The following SURF6 variants were observed in gnomAD, a reference collection of about 807,000 sequenced individuals.
The protein encoded by SURF6 is surfeit locus protein 6.
In SURF6, 28 loss-of-function variants were observed where a neutral mutation model predicts 37.5. That is an observed-to-expected ratio of 0.75 (90% confidence interval 0.55 to 1.02). The LOEUF is 1.02. Ranked by LOEUF, SURF6 falls within the 50% of genes least tolerant of loss-of-function variation. The pLI is 0.00. For synonymous variants in SURF6, 248 were observed against 210.9 expected (o/e 1.18, Z -1.52); for missense variants, 560 against 490.5 (o/e 1.14, Z -1.34).
In SURF6 at chr9:133,331,820, G is replaced by A. The variant is rs2129911669; in HGVS notation, c.*49C>T. 8.1e-6 allele frequency: 12 copies of A among 1,487,970 alleles called. No homozygotes were observed. In the African/African-American group the frequency reaches 1.0e-4, roughly 12 times the overall value. 92.2% of individuals were successfully genotyped at this position (1,487,970 alleles called of 1,614,324 possible). A position where few individuals can be genotyped will look rare whatever the true frequency, so the allele number is the denominator to read the frequency against. Reference sequence around the variant, plus strand: ...AGCCAGCGTCAAGGACTCAGAGGGTGTCCTGGAGTCTCCTAGGACGGAAGA... The same window carrying A: ...AGCCAGCGTCAAGGACTCAGAGGGTATCCTGGAGTCTCCTAGGACGGAAGA... On this transcript the variant is annotated 3_prime_UTR_variant, in exon 5 of 5. Transcript: ENST00000372022.
At position 133,332,280 on chromosome 9, in the gene SURF6, C is replaced by T. The variant is rs1835761511; in HGVS notation, c.675G>A (p.Lys225=). The T allele has an allele frequency of 6.2e-7, 1 of 1,601,830 alleles. No individual in the cohort carries two copies. Among genetic ancestry groups the T allele is most frequent in the South Asian group, 1.1e-5 (1 of 91,014 alleles). ...TCCCGGTCAGCGGCGTGAGGTTCCCCTTCACCCTCTGCCTCTTCTCTTTTC... is the reference window on the plus strand; with the variant it reads ...TCCCGGTCAGCGGCGTGAGGTTCCCTTTCACCCTCTGCCTCTTCTCTTTTC... ...QRRKEKRQRV[K]GNLTPLTGRN... is the part of the protein sequence containing the mutation. Residue 225 remains lysine, a synonymous_variant, in exon 5 of 5, where the codon AAG becomes AAA. Transcript: ENST00000372022.
Position 133,330,102 on chromosome 9 carries a change from C to T in SURF6, c.*1767G>A, listed in dbSNP as rs1386278558. The T allele has an allele frequency of 2.0e-5, 3 of 152,202 alleles. No homozygotes were observed. The highest frequency in any genetic ancestry group is 1.3e-4 in the Admixed American group (2 of 15,270). The allele number at this position is 152,202 out of a possible 1,614,324, so 9.4% of individuals were successfully genotyped here. A position where few individuals can be genotyped will look rare whatever the true frequency, so the allele number is the denominator to read the frequency against. ...TTACTTTGAGTTGTTCCAACTTAAG[C>T]TGCATGCTTATTTTTCTTTAGCTTT... On this transcript the variant is annotated 3_prime_UTR_variant, in exon 5 of 5. Coordinates refer to ENST00000372022, the MANE Select transcript of SURF6 (RefSeq NM_006753.6).
Position 133,331,120 on chromosome 9 carries a change from CT to C in SURF6, c.*748del, listed in dbSNP as rs1835714060. On this transcript the variant is annotated 3_prime_UTR_variant, in exon 5 of 5. Transcript: ENST00000372022. The stretch of plus-strand genomic sequence containing the variant: ...ATTGCCTGGAACTCTGGATTTAATT[CT>C]TCCATCCCACTTTGTATCTTGCATT... 6.6e-6 allele frequency: 1 copy of C among 152,212 alleles called. No individual in the cohort carries two copies. 9.4% of individuals were successfully genotyped at this position (152,212 alleles called of 1,614,324 possible). A position where few individuals can be genotyped will look rare whatever the true frequency, so the allele number is the denominator to read the frequency against.
In SURF6 at chr9:133,332,613, C is replaced by T. The variant is rs2129920021; in HGVS notation, c.541G>A (p.Val181Met). ...AEEATEAQEV[V>M]EATPEGACTE... ...CAGGCCCCCTCTGGGGTTGCCTCCACCACCTCCTGGGCCTCCGTGGCCTCC... is the reference window on the plus strand; with the variant it reads ...CAGGCCCCCTCTGGGGTTGCCTCCATCACCTCCTGGGCCTCCGTGGCCTCC... The change falls in exon 4 of 5, where the codon GTG (valine) becomes ATG (methionine). Residue 181 changes from valine to methionine, a missense_variant. Transcript: ENST00000372022. 3 of 1,610,700 alleles carry T rather than the reference C, an allele frequency of 1.9e-6. No individual in the cohort carries two copies. Among genetic ancestry groups the T allele is most frequent in the African/African-American group, 1.3e-5 (1 of 74,946 alleles).
intron 1 of SURF6, 149 bp from the exon 2 acceptor site, chr9:133,334,750 C>T (rs2129929060): frequency 1.1e-6 from 1 of 882,034 alleles, no homozygotes; most frequent in African/African-American, 1.7e-5. Context: ...CTCAGAACCA[C>T]AACCTTGACC....
chr9:133,335,746 G>C (rs1038187325), intron 1 of SURF6, among the ~76,000 whole-genome samples: 1 of 152,014 alleles, frequency 6.6e-6, no homozygotes, highest in African/African-American at 2.4e-5. Flanking sequence ...CGTGGTGGCG[G>C]GCGCCTGTAG....
In SURF6 at chr9:133,331,739, C is replaced by A. The variant is rs1039579540; in HGVS notation, c.*130G>T. ...TCTGGGCCCTCACAACTCAGCAGAG[C>A]ACCACTGTGTCCCCCTCACATGGAG... On this transcript the variant is annotated 3_prime_UTR_variant, in exon 5 of 5. Transcript: ENST00000372022. The A allele has an allele frequency of 1.1e-4, 142 of 1,241,646 alleles. No homozygotes were observed. Among genetic ancestry groups the A allele is most frequent in the Non-Finnish European group, 1.4e-4 (136 of 949,738 alleles). The allele number at this position is 1,241,646 out of a possible 1,614,324, so 76.9% of individuals were successfully genotyped here. A position where few individuals can be genotyped will look rare whatever the true frequency, so the allele number is the denominator to read the frequency against.
chr9:133,335,126 A>G (rs947613120), intron 1 of SURF6, among the ~76,000 whole-genome samples: 5 of 152,178 alleles, frequency 3.3e-5, no homozygotes, highest in Admixed American at 3.3e-4. Flanking sequence ...TGCCCGGCTA[A>G]TTTTTGTATT....
At position 133,331,857 on chromosome 9, in the gene SURF6, G is replaced by T; in HGVS notation, c.*12C>A. On this transcript the variant is annotated 3_prime_UTR_variant, in exon 5 of 5. Coordinates refer to ENST00000372022, the MANE Select transcript of SURF6 (RefSeq NM_006753.6). ...CCTAGGACGGAAGACGGCGGCCCCA[G>T]GTGGGAAAGACTCAGACCAGGCCTG... 1 of 1,497,648 alleles carries T rather than the reference G, an allele frequency of 6.7e-7. No homozygotes were observed. Among genetic ancestry groups the T allele is most frequent in the Non-Finnish European group, 8.8e-7 (1 of 1,133,770 alleles). The allele number at this position is 1,497,648 out of a possible 1,614,324, so 92.8% of individuals were successfully genotyped here. A position where few individuals can be genotyped will look rare whatever the true frequency, so the allele number is the denominator to read the frequency against.
In SURF6 at chr9:133,332,192, C is replaced by T. The variant is rs2129916021; in HGVS notation, c.763G>A (p.Gly255Ser). ...TCCTGCGCCTTCCCCTCATCCTGGC[C>T]GCGCAGCTCGTCCAGCCGGCTCTGC... Reference protein sequence around the residue: ...ARQSRLDELRGQDEGKAQELE... With the variant: ...ARQSRLDELRSQDEGKAQELE... Residue 255 changes from glycine (G) to serine (S), a missense_variant, in exon 5 of 5, where the codon GGC becomes AGC. Transcript: ENST00000372022. 1.5e-5 allele frequency: 24 copies of T among 1,609,262 alleles called. No homozygotes were observed. Among genetic ancestry groups the T allele is most frequent in the Non-Finnish European group, 1.9e-5 (22 of 1,179,934 alleles).
rs1835739862 is a variant in SURF6, at chr9:133,331,927, C to T, written c.1028G>A (p.Arg343Lys). The T allele has an allele frequency of 1.3e-6, 2 of 1,576,524 alleles. No homozygotes were observed. The highest frequency in any genetic ancestry group is 1.7e-6 in the Non-Finnish European group (2 of 1,170,828). ...CAGGATGCGGCCCTTCTTGCGGGCT[C>T]TGAGCAGGCGGCGCTCGGCGCGGGC... ...KAARAERRLL[R>K]ARKKGRILPQ... is the part of the protein sequence containing the mutation. Residue 343 changes from arginine to lysine, a missense_variant, in exon 5 of 5, where the codon AGA (arginine) becomes AAA (lysine). Coordinates refer to ENST00000372022, the MANE Select transcript of SURF6 (RefSeq NM_006753.6).
At chr9:133,333,870 C>T in intron 2 of SURF6, 64 bp from the exon 3 acceptor site, 1 of 1,384,644 alleles carries the variant, frequency 7.2e-7, no homozygotes, top group Non-Finnish European at 1.0e-6. Context: ...TCCCTAGGGC[C>T]ACGAATCCCT....
rs892276281 is a variant in SURF6, at chr9:133,329,763, A to G, written c.*2106T>C. 4 of 152,352 alleles carry G rather than the reference A, an allele frequency of 2.6e-5. No individual in the cohort carries two copies. The East Asian group carries it at 7.7e-4, about 29-fold the overall frequency. 9.4% of individuals were successfully genotyped at this position (152,352 alleles called of 1,614,324 possible). ...TCTGCTGTAACTATTCTTGTTTTAT[A>G]TTTTATTATACTGGAACAGCTCGTG... On this transcript the variant is annotated 3_prime_UTR_variant, in exon 5 of 5. Coordinates refer to ENST00000372022, the MANE Select transcript of SURF6 (RefSeq NM_006753.6).
Position 133,331,282 on chromosome 9 carries a change from C to CG in SURF6, c.*586dup, listed in dbSNP as rs1177597473. The CG allele has an allele frequency of 3.3e-5, 5 of 151,998 alleles. No individual in the cohort carries two copies. The highest frequency in any genetic ancestry group is 9.7e-5 in the African/African-American group (4 of 41,410). 9.4% of individuals were successfully genotyped at this position (151,998 alleles called of 1,614,324 possible). A position where few individuals can be genotyped will look rare whatever the true frequency, so the allele number is the denominator to read the frequency against. ...AATTCTGAGCAGTAAAATGCCGCCC[C>CG]GGGGCACTGGGGAACAGAAAGGAAT... is the stretch of plus-strand genomic sequence containing the variant. On this transcript the variant is annotated 3_prime_UTR_variant, in exon 5 of 5. Coordinates refer to ENST00000372022, the MANE Select transcript of SURF6 (RefSeq NM_006753.6).
intron 1 of SURF6, among the ~76,000 whole-genome samples, chr9:133,335,021 G>A (rs2129929749): frequency 6.6e-5 from 10 of 152,108 alleles, no homozygotes; most frequent in African/African-American, 1.7e-4. Flanking sequence ...GTGCAGTGGC[G>A]CAATCTCTGC....
chr9:133,335,380 G>A (rs1375416147), intron 1 of SURF6, among the ~76,000 whole-genome samples: 1 of 151,974 alleles, frequency 6.6e-6, no homozygotes, highest in Admixed American at 6.6e-5. Flanking sequence ...ACTAGGTAAT[G>A]AGAAAATTCA....
In SURF6 at chr9:133,334,611, A is replaced by C; in HGVS notation, c.95-10T>G. Reference sequence around the variant, plus strand: ...CCTTGAGTTTTGCCAGCTGAAATGCAAAATAAGAAAGAGTTAAGTCCCAAT... The same window carrying C: ...CCTTGAGTTTTGCCAGCTGAAATGCCAAATAAGAAAGAGTTAAGTCCCAAT... On this transcript the variant is annotated splice_polypyrimidine_tract_variant and intron_variant, in intron 1 of 4. Coordinates refer to ENST00000372022, the MANE Select transcript of SURF6 (RefSeq NM_006753.6). The C allele has an allele frequency of 6.2e-7, 1 of 1,604,688 alleles. No individual in the cohort carries two copies. Among genetic ancestry groups the C allele is most frequent in the Non-Finnish European group, 8.5e-7 (1 of 1,179,432 alleles).
At chr9:133,333,171 GGCCAACAAGA>G (rs1835791889) in intron 3 of SURF6, among the ~76,000 whole-genome samples, 1 of 151,992 alleles carries the variant, frequency 6.6e-6, no homozygotes, top group South Asian at 2.1e-4. Flanking sequence ...CCCATCCCCG[GGCCAACAAGA>G]GCCCTACACC....
At chr9:133,334,339 G>T in intron 2 of SURF6, 53 bp downstream of exon 2, 1 of 1,517,250 alleles carries the variant, frequency 6.6e-7, no homozygotes, top group Non-Finnish European at 8.9e-7. Context: ...CCAAGCCCAA[G>T]CCCAGCCCCA....
Sources: gnomAD v4.1 joint callset for allele counts (sites outside exome capture counted in the v4.1 genomes callset) on GRCh38, gnomAD v4.1.1 for gene constraint, MANE v1.5 for transcripts, NCBI Gene and HGNC (gene_info 2026-07-23, HGNC 2026-07-21) for gene names.